YLPM1: variants seen among roughly 807,000 people sequenced by gnomAD.
The protein encoded by YLPM1 is YLP motif containing 1.
In YLPM1, 99 loss-of-function variants were observed where a neutral mutation model predicts 230.0. The observed-to-expected ratio is 0.43, with a 90% CI of 0.37 to 0.51. The LOEUF (loss-of-function observed/expected upper bound fraction) is 0.51, where lower values mean the gene tolerates loss of function less well. YLPM1 is among the 20% of genes least tolerant of loss of function. YLPM1 has a pLI of 0.00. For synonymous variants in YLPM1, 984 were observed against 942.5 expected (o/e 1.04, Z -0.81); for missense variants, 2,592 against 2,707.7 (o/e 0.96, Z 0.95).
chr14:74,822,852 G>C (rs568623559), intron 17 of YLPM1, among the ~76,000 whole-genome samples: 4 of 151,492 alleles, frequency 2.6e-5, no homozygotes, highest in African/African-American at 9.7e-5. Flanking sequence ...AAAGATAATC[G>C]TTTGTAGGGG....
At chr14:74,807,620 T>G (rs2091392442) in intron 6 of YLPM1, among the ~76,000 whole-genome samples, 1 of 152,228 alleles carries the variant, frequency 6.6e-6, no homozygotes, top group Non-Finnish European at 1.5e-5. Context: ...TCATAGACAT[T>G]TCTGATGGTA....
chr14:74,792,719 A>G (rs1443912106), intron 4 of YLPM1, among the ~76,000 whole-genome samples: 1 of 152,206 alleles, frequency 6.6e-6, no homozygotes, highest in East Asian at 1.9e-4. Context: ...TGTCCTGAAA[A>G]ATAAAGTTTT....
Position 74,804,398 on chromosome 14 carries a change from C to T in YLPM1, c.4521+1722C>T, listed in dbSNP as rs139706731. 7.2e-5 allele frequency among the ~76,000 whole-genome samples: 11 copies of T among 152,222 alleles called. No homozygotes were observed. In the East Asian group the frequency reaches 1.7e-3, roughly 24 times the overall value. The stretch of plus-strand genomic sequence containing the variant: ...ACTTTCTTGTTCTTCCTGAGCTGGC[C>T]TGACCTCTGCTGACCATTGCTTGCT... On this transcript the variant is annotated intron_variant, in intron 6 of 20. Coordinates refer to ENST00000325680, the MANE Select transcript of YLPM1 (RefSeq NM_019589.3).
rs2091436350 is a variant in YLPM1, at chr14:74,811,686, C to A, written c.5295C>A (p.Ser1765=). 1 of 1,612,556 alleles carries A rather than the reference C, an allele frequency of 6.2e-7. No homozygotes were observed. Among genetic ancestry groups the A allele is most frequent in the Non-Finnish European group, 8.5e-7 (1 of 1,179,486 alleles). The change falls in exon 10 of 21, where the codon TCC becomes TCA. Residue 1765 remains serine, a synonymous_variant. Transcript: ENST00000325680. ...SSRRGGFDRP[S]YDRKSDRPVY... is the part of the protein sequence containing the mutation. ...GAAGAGGGGGTTTTGATAGGCCATCCTATGACCGGAAGTCTGACCGACCAG... is the reference window on the plus strand; with the variant it reads ...GAAGAGGGGGTTTTGATAGGCCATCATATGACCGGAAGTCTGACCGACCAG...
At chr14:74,813,515 G>C (rs929039981) in intron 11 of YLPM1, among the ~76,000 whole-genome samples, 1 of 151,512 alleles carries the variant, frequency 6.6e-6, no homozygotes, top group Non-Finnish European at 1.5e-5. Context: ...TCAGATTCCT[G>C]TTTCTGACTC....
intron 12 of YLPM1, 101 bp from the exon 13 acceptor site, chr14:74,816,469 AC>A: frequency 7.0e-7 from 1 of 1,427,842 alleles, no homozygotes; most frequent in Non-Finnish European, 9.4e-7. Flanking sequence ...ATTTGAAACC[AC>A]CAGAAGATTG....
Position 74,764,264 on chromosome 14 carries a change from A to G in YLPM1, c.775A>G (p.Thr259Ala), listed in dbSNP as rs377086069. 288 of 1,613,828 alleles carry G rather than the reference A, an allele frequency of 1.8e-4. 4 individuals carry two copies. In the South Asian group the frequency reaches 1.9e-3, roughly 11 times the overall value. Reference sequence around the variant, plus strand: ...GTCCGCCCCCCCTGGAAATAAGACAACTGTCCAGCAAGAGCCTTTGGAGAG... The same window carrying G: ...GTCCGCCCCCCCTGGAAATAAGACAGCTGTCCAGCAAGAGCCTTTGGAGAG... ...PPSAPPGNKT[T>A]VQQEPLESGA... Residue 259 changes from threonine to alanine, a missense_variant, in exon 1 of 21, where the codon ACT (threonine) becomes GCT (alanine). Physicochemically the swap from Thr to Ala is moderately conservative, Grantham distance 58. Coordinates refer to ENST00000325680, the MANE Select transcript of YLPM1 (RefSeq NM_019589.3).
chr14:74,828,137 T>TAAACC (rs1242598527), intron 18 of YLPM1: 1 of 395,872 alleles, frequency 2.5e-6, no homozygotes, highest in East Asian at 1.6e-4. Flanking sequence ...AAACTCACCC[T>TAAACC]TTCTGCCACT....
intron 17 of YLPM1, 65 bp from the exon 18 acceptor site, chr14:74,824,191 C>T: frequency 6.6e-7 from 1 of 1,509,424 alleles, no homozygotes; most frequent in East Asian, 2.3e-5. Context: ...TTTTCCAGTT[C>T]AAACGTGATA....
At chr14:74,811,269 C>G (rs887953242) in intron 9 of YLPM1, among the ~76,000 whole-genome samples, 11 of 152,024 alleles carry the variant, frequency 7.2e-5, no homozygotes, top group African/African-American at 2.4e-4. Context: ...ATCTCTTGAG[C>G]TCAGGAGTTC....
intron 4 of YLPM1, among the ~76,000 whole-genome samples, chr14:74,790,011 C>G (rs188406133): frequency 1.4e-3 from 217 of 151,892 alleles, no homozygotes; most frequent in South Asian, 3.5e-3. Flanking sequence ...GACCCCTGTT[C>G]TAGATTGTCT....
chr14:74,826,475 T>C (rs2140142798), intron 18 of YLPM1, among the ~76,000 whole-genome samples: 1 of 152,338 alleles, frequency 6.6e-6, no homozygotes, highest in South Asian at 2.1e-4. Flanking sequence ...TATTAAGTTT[T>C]AGCAGTGTCA....
chr14:74,820,657 C>G (rs1346958071), intron 16 of YLPM1, among the ~76,000 whole-genome samples: 1 of 152,220 alleles, frequency 6.6e-6, no homozygotes, highest in African/African-American at 2.4e-5. Context: ...TGCTACCACT[C>G]TGGGCCAAGC....
chr14:74,792,673 CACTT>C (rs1458776004), intron 4 of YLPM1, among the ~76,000 whole-genome samples: 2 of 152,238 alleles, frequency 1.3e-5, no homozygotes, highest in Non-Finnish European at 2.9e-5. Context: ...ACTACTTAAA[CACTT>C]ACACATTTTA....
intron 19 of YLPM1, 40 bp downstream of exon 19, chr14:74,829,383 C>G (rs747013637): frequency 4.4e-6 from 7 of 1,608,792 alleles, no homozygotes; most frequent in Non-Finnish European, 5.9e-6. Flanking sequence ...AATGAAGGGC[C>G]CATTTAGGCA....
chr14:74,782,395 A>G, intron 4 of YLPM1, 70 bp downstream of exon 4: 1 of 1,466,768 alleles, frequency 6.8e-7, no homozygotes, highest in Non-Finnish European at 9.0e-7. Flanking sequence ...TTGGTTCTCG[A>G]TGGTATAAAA....
chr14:74,764,406 C>T, intron 1 of YLPM1, 44 bp downstream of exon 1: 1 of 1,530,300 alleles, frequency 6.5e-7, no homozygotes, highest in South Asian at 1.3e-5. Flanking sequence ...CCTAGAGGGC[C>T]CTGAATGAGC....
intron 19 of YLPM1, among the ~76,000 whole-genome samples, chr14:74,831,358 A>G (rs2091607662): frequency 6.6e-6 from 1 of 152,280 alleles, no homozygotes; most frequent in East Asian, 1.9e-4. Flanking sequence ...GCCCACTGCC[A>G]TTTGCACCCA....
In YLPM1 at chr14:74,798,189, G is replaced by A. The variant is rs779992506; in HGVS notation, c.2892G>A (p.Gly964=). The part of the protein sequence containing the change: ...AQSTFPSKTG[G]MEGGTAVATS... ...CTACTTTTCCTTCAAAAACAGGGGG[G>A]ATGGAGGGAGGAACAGCAGTAGCAA... Residue 964 remains glycine, a synonymous_variant, in exon 5 of 21, where the codon GGG becomes GGA. Coordinates refer to ENST00000325680, the MANE Select transcript of YLPM1 (RefSeq NM_019589.3). 4.3e-6 allele frequency: 7 copies of A among 1,613,984 alleles called. No individual in the cohort carries two copies. In the Admixed American group the frequency reaches 1.2e-4, roughly 27 times the overall value.
Sources: gnomAD v4.1 joint callset for allele counts (sites outside exome capture counted in the v4.1 genomes callset) on GRCh38, gnomAD v4.1.1 for gene constraint, MANE v1.5 for transcripts, NCBI Gene and HGNC (gene_info 2026-07-23, HGNC 2026-07-21) for gene names.